MAF: variants seen among roughly 807,000 people sequenced by gnomAD.
MAF encodes transcription factor Maf.
Under a neutral mutation model 22.0 loss-of-function variants are expected in MAF, and 10 were observed. The observed-to-expected ratio is 0.45, with a 90% CI of 0.28 to 0.77. The LOEUF (loss-of-function observed/expected upper bound fraction) is 0.77, where lower values mean the gene tolerates loss of function less well. Ranked by LOEUF, MAF falls within the 30% of genes least tolerant of loss-of-function variation. MAF has a pLI of 0.12. For synonymous variants in MAF, 337 were observed against 255.8 expected (o/e 1.32, Z -3.03); for missense variants, 544 against 548.4 (o/e 0.99, Z 0.08).
chr16:79,566,942 G>A, the MAF span, among the ~76,000 whole-genome samples: 2 of 152,202 alleles, frequency 1.3e-5, no homozygotes, highest in Admixed American at 6.5e-5. Context: ...ACCTCTTAGG[G>A]CATTTTATAG....
chr16:79,536,751 G>C, the MAF span, among the ~76,000 whole-genome samples: 11 of 152,206 alleles, frequency 7.2e-5, no homozygotes, highest in African/African-American at 2.7e-4. Context: ...AAATAGTACA[G>C]AGTAACACCC....
the MAF span, among the ~76,000 whole-genome samples, chr16:79,236,957 A>AAC: frequency 3.0e-4 from 46 of 151,530 alleles, 1 homozygote; most frequent in South Asian, 6.3e-4. Context: ...AAAAAAAAAA[A>AAC]AACTCAAATC....
At chr16:79,207,980 G>T in the MAF span, among the ~76,000 whole-genome samples, 9 of 152,270 alleles carry the variant, frequency 5.9e-5, no homozygotes, top group African/African-American at 2.2e-4. Context: ...GGATAATTTA[G>T]ATCTGAGGGC....
the MAF span, among the ~76,000 whole-genome samples, chr16:79,294,747 C>G: frequency 1.3e-5 from 2 of 152,088 alleles, no homozygotes; most frequent in Admixed American, 1.3e-4. Flanking sequence ...TTATCTAGTT[C>G]CAAAGTCTGC....
chr16:79,252,274 T>G, the MAF span, among the ~76,000 whole-genome samples: 1 of 152,236 alleles, frequency 6.6e-6, no homozygotes, highest in South Asian at 2.1e-4. Context: ...TGTGGCCATG[T>G]TCCAATAAAA....
At chr16:79,476,488 G>T in the MAF span, among the ~76,000 whole-genome samples, 1 of 152,216 alleles carries the variant, frequency 6.6e-6, no homozygotes, top group Non-Finnish European at 1.5e-5. Context: ...TTGAAAGAGT[G>T]AAGTGCATTT....
the MAF span, among the ~76,000 whole-genome samples, chr16:79,512,617 T>A: frequency 6.6e-6 from 1 of 152,068 alleles, no homozygotes; most frequent in African/African-American, 2.4e-5. Flanking sequence ...TCATTATGAA[T>A]CCTAGGAAGG....
At chr16:79,331,225 G>A in the MAF span, among the ~76,000 whole-genome samples, 1 of 152,122 alleles carries the variant, frequency 6.6e-6, no homozygotes, top group East Asian at 1.9e-4. Context: ...TCTTTTGCCT[G>A]GCCTGGAAAA....
At chr16:79,437,601 C>T in the MAF span, among the ~76,000 whole-genome samples, 1 of 152,120 alleles carries the variant, frequency 6.6e-6, no homozygotes, top group African/African-American at 2.4e-5. Context: ...TGTGCCCCCT[C>T]ATTTTACAGC....
chr16:79,397,083 G>T, the MAF span, among the ~76,000 whole-genome samples: 4 of 152,332 alleles, frequency 2.6e-5, no homozygotes, highest in East Asian at 5.8e-4. Flanking sequence ...CAGGTAAGTT[G>T]CCAGGATTAA....
the MAF span, among the ~76,000 whole-genome samples, chr16:79,545,327 T>C: frequency 6.6e-6 from 1 of 152,156 alleles, no homozygotes; most frequent in Non-Finnish European, 1.5e-5. Context: ...AATGCAGAAC[T>C]GGACATGCTG....
chr16:79,569,923 C>T, the MAF span, among the ~76,000 whole-genome samples: 12 of 151,514 alleles, frequency 7.9e-5, no homozygotes, highest in African/African-American at 1.2e-4. Context: ...AGCTGGAATC[C>T]GGGAGGGATG....
At chr16:79,383,774 TAA>T in the MAF span, among the ~76,000 whole-genome samples, 1 of 152,198 alleles carries the variant, frequency 6.6e-6, no homozygotes. Flanking sequence ...ATGTGCTCAT[TAA>T]ACCTGCAGTT....
the MAF span, among the ~76,000 whole-genome samples, chr16:79,320,560 T>C: frequency 6.6e-6 from 1 of 152,180 alleles, no homozygotes; most frequent in Admixed American, 6.5e-5. Flanking sequence ...ATTCGCTTCT[T>C]ATGCAACGTT....
At chr16:79,311,677 G>A in the MAF span, among the ~76,000 whole-genome samples, 1 of 151,970 alleles carries the variant, frequency 6.6e-6, no homozygotes, top group African/African-American at 2.4e-5. Context: ...AATTTCTGCC[G>A]TTTCACTCCA....
At chr16:79,251,848 T>A in the MAF span, among the ~76,000 whole-genome samples, 5 of 152,204 alleles carry the variant, frequency 3.3e-5, no homozygotes, top group South Asian at 2.1e-4. Context: ...CATGATAATT[T>A]AAAAAAAATT....
chr16:79,465,277 T>C, the MAF span, among the ~76,000 whole-genome samples: 2 of 152,138 alleles, frequency 1.3e-5, no homozygotes, highest in Non-Finnish European at 2.9e-5. Context: ...GATGAAGAAC[T>C]GATGGCAGAG....
the MAF span, among the ~76,000 whole-genome samples, chr16:79,515,561 G>A: frequency 1.3e-5 from 2 of 152,220 alleles, no homozygotes; most frequent in Non-Finnish European, 2.9e-5. Context: ...ATGCTAGGTA[G>A]GTTAGGTGAA....
At chr16:79,536,204 C>A in the MAF span, among the ~76,000 whole-genome samples, 1 of 152,208 alleles carries the variant, frequency 6.6e-6, no homozygotes, top group Non-Finnish European at 1.5e-5. Flanking sequence ...TTGGCCCAGG[C>A]AGAGTCCATG....
Sources: allele counts gnomAD v4.1 joint callset (sites outside exome capture counted in the v4.1 genomes callset), GRCh38; gene constraint gnomAD v4.1.1; transcripts MANE v1.5; gene names NCBI Gene and HGNC (gene_info 2026-07-23, HGNC 2026-07-21).